Variants in AGO3 observed in about 807,000 individuals in gnomAD.
The protein encoded by AGO3 is argonaute RISC catalytic component 3.
In AGO3, 16 loss-of-function variants were observed where a neutral mutation model predicts 105.5. That is an observed-to-expected ratio of 0.15 (90% confidence interval 0.10 to 0.23). The LOEUF is 0.23. AGO3 is among the 10% of genes least tolerant of loss of function. The probability of loss-of-function intolerance (pLI) is 1.00; values close to 1 mark genes in which losing one functional copy is unlikely to be tolerated. For synonymous variants in AGO3, 340 were observed against 367.3 expected, an observed-to-expected ratio of 0.93 and a Z score of 0.85; for missense variants, 534 against 1,088.0, an observed-to-expected ratio of 0.49 and a Z score of 7.16.
chr1:36,014,005 G>T lies in AGO3; in HGVS notation c.1363G>T (p.Ala455Ser). Residue 455 changes from alanine (A) to serine (S), a missense_variant, in exon 11 of 19, where the codon GCT (alanine) becomes TCT (serine). Transcript: ENST00000373191. ...TGVEIKMWAI[A>S]CFATQRQCRE... The stretch of plus-strand genomic sequence containing the variant: ...AGTTGAAATCAAAATGTGGGCTATC[G>T]CTTGTTTTGCCACACAGAGGCAGTG... 6.2e-7 allele frequency: 1 copy of T among 1,614,080 alleles called. No individual in the cohort carries two copies.
chr1:35,960,767 T>A lies in AGO3; in HGVS notation c.192-6188T>A, dbSNP rs561821504. Among the ~76,000 whole-genome samples, 38 of 152,230 alleles carry A rather than the reference T, an allele frequency of 2.5e-4. 1 individual carries two copies. Among genetic ancestry groups the A allele is most frequent in the African/African-American group, 8.7e-4 (36 of 41,554 alleles). On this transcript the variant is annotated intron_variant, in intron 2 of 18. Transcript: ENST00000373191. ...AGCATAGGTTTTGTCAGTTATGAAC[T>A]TAAAAAACTGTCAAGTGGAAAAATT...
intron 2 of AGO3, among the ~76,000 whole-genome samples, chr1:35,955,096 A>T (rs1406911747): frequency 6.6e-6 from 1 of 152,220 alleles, no homozygotes; most frequent in Non-Finnish European, 1.5e-5. Context: ...GGAGTAGGTT[A>T]TGAAGAATCT....
rs1643130174 is a variant in AGO3, at chr1:36,069,101, T to G, written c.*13356T>G. The G allele has an allele frequency of 6.6e-6, 1 of 152,252 alleles. No homozygotes were observed. Among genetic ancestry groups the G allele is most frequent in the Admixed American group, 6.6e-5 (1 of 15,264 alleles). 9.4% of individuals were successfully genotyped at this position (152,252 alleles called of 1,614,324 possible). A position where few individuals can be genotyped will look rare whatever the true frequency, so the allele number is the denominator to read the frequency against. ...ACCTGTCCTCACCTACCTCACTAAA[T>G]TGTTGGAGTTCTTTTGTTCTGAGTC... On this transcript the variant is annotated 3_prime_UTR_variant, in exon 19 of 19. Coordinates refer to ENST00000373191, the MANE Select transcript of AGO3 (RefSeq NM_024852.4).
intron 8 of AGO3, 73 bp from the exon 9 acceptor site, chr1:36,009,402 T>A: frequency 8.2e-6 from 12 of 1,469,056 alleles, no homozygotes; most frequent in Non-Finnish European, 1.0e-5. Context: ...TTTATTTACA[T>A]GTAATTGGCA....
chr1:36,027,007 A>G lies in AGO3; in HGVS notation c.1407-107A>G. On this transcript the variant is annotated intron_variant, in intron 11 of 18. Transcript: ENST00000373191. This position sits in a 1 kb window ranked among gnomAD's most constrained non-coding sequence, Gnocchi z 4.0. Reference sequence around the variant, plus strand: ...TGGTGACCTCTCATATATGAAGCACACAAATCTTTGCTTCATCCTTCCATT... The same window carrying G: ...TGGTGACCTCTCATATATGAAGCACGCAAATCTTTGCTTCATCCTTCCATT... 1 of 1,313,964 alleles carries G rather than the reference A, an allele frequency of 7.6e-7. No homozygotes were observed. The highest frequency in any genetic ancestry group is 2.3e-5 in the East Asian group (1 of 43,156). The allele number at this position is 1,313,964 out of a possible 1,614,324, so 81.4% of individuals were successfully genotyped here.
At position 36,066,973 on chromosome 1, in the gene AGO3, G is replaced by T. The variant is rs1643104100; in HGVS notation, c.*11228G>T. ...TAATCTAAATTTATATGATAATGTT[G>T]TCCCAGACCCAAAGGCACACCTATT... is the stretch of plus-strand genomic sequence containing the variant. On this transcript the variant is annotated 3_prime_UTR_variant, in exon 19 of 19. Coordinates refer to ENST00000373191, the MANE Select transcript of AGO3 (RefSeq NM_024852.4). The T allele has an allele frequency of 6.6e-6, 1 of 152,140 alleles. No homozygotes were observed. Among genetic ancestry groups the T allele is most frequent in the Admixed American group, 6.5e-5 (1 of 15,270 alleles). The allele number at this position is 152,140 out of a possible 1,614,324, so 9.4% of individuals were successfully genotyped here.
At chr1:36,036,104 T>C in intron 13 of AGO3, 73 bp from the exon 14 acceptor site, 1 of 1,407,372 alleles carries the variant, frequency 7.1e-7, no homozygotes, top group Non-Finnish European at 1.0e-6. Context: ...GAAGTTACGT[T>C]GCAATTGTGT....
At position 36,069,146 on chromosome 1, in the gene AGO3, C is replaced by G. The variant is rs1021316393; in HGVS notation, c.*13401C>G. ...TGAGTCAGGGTCTCACTCTGTTGCC[C>G]AGGCTGAACTACAGTAGTGTGATCA... On this transcript the variant is annotated 3_prime_UTR_variant, in exon 19 of 19. Transcript: ENST00000373191. 6.6e-6 allele frequency: 1 copy of G among 152,258 alleles called. No individual in the cohort carries two copies. Among genetic ancestry groups the G allele is most frequent in the African/African-American group, 2.4e-5 (1 of 41,438 alleles). 9.4% of individuals were successfully genotyped at this position (152,258 alleles called of 1,614,324 possible).
intron 5 of AGO3, among the ~76,000 whole-genome samples, chr1:35,988,929 T>C (rs1023767663): frequency 6.6e-6 from 1 of 152,218 alleles, no homozygotes; most frequent in African/African-American, 2.4e-5. Context: ...TGAGAAATAT[T>C]GCACTGACCA....
chr1:35,986,689 GAAAAGAA>G (rs1026004362), intron 5 of AGO3, among the ~76,000 whole-genome samples: 2 of 148,350 alleles, frequency 1.3e-5, no homozygotes, highest in Non-Finnish European at 3.0e-5. Context: ...CTCTGCCTCA[GAAAAGAA>G]AAAAGAAAAA....
chr1:35,953,326 A>C (rs1486531620), intron 2 of AGO3, among the ~76,000 whole-genome samples: 1 of 152,106 alleles, frequency 6.6e-6, no homozygotes, highest in Non-Finnish European at 1.5e-5. Flanking sequence ...CTAGCAGTGT[A>C]TGAAGATGTT....
intron 4 of AGO3, among the ~76,000 whole-genome samples, chr1:35,972,663 C>T (rs977512885): frequency 1.3e-5 from 2 of 151,466 alleles, no homozygotes; most frequent in African/African-American, 2.4e-5. Flanking sequence ...CATGTGTACC[C>T]GTGTATTTTT....
At chr1:35,986,348 C>T (rs923993348) in intron 5 of AGO3, among the ~76,000 whole-genome samples, 2 of 152,152 alleles carry the variant, frequency 1.3e-5, no homozygotes, top group Non-Finnish European at 2.9e-5. Flanking sequence ...TACTACATAA[C>T]AGTTAAATAA....
At chr1:35,937,267 G>C (rs1371822910) in intron 1 of AGO3, among the ~76,000 whole-genome samples, 1 of 152,052 alleles carries the variant, frequency 6.6e-6, no homozygotes, top group Non-Finnish European at 1.5e-5. Flanking sequence ...GCCGGGCATA[G>C]TGGCGGGTGC....
At chr1:35,956,350 G>A (rs572715219) in intron 2 of AGO3, among the ~76,000 whole-genome samples, 1 of 152,104 alleles carries the variant, frequency 6.6e-6, no homozygotes, top group Non-Finnish European at 1.5e-5. Flanking sequence ...AGGTTGAATT[G>A]CATAAGAAAC....
chr1:36,043,999 A>G (rs539333150), intron 17 of AGO3, among the ~76,000 whole-genome samples: 1 of 152,252 alleles, frequency 6.6e-6, no homozygotes, highest in East Asian at 1.9e-4. Flanking sequence ...GCTAATGACG[A>G]TAACATTTTA....
At chr1:35,967,119 G>A in intron 3 of AGO3, 44 bp downstream of exon 3, 1 of 1,581,304 alleles carries the variant, frequency 6.3e-7, no homozygotes, top group East Asian at 2.2e-5. Context: ...TTTTTGAAGT[G>A]TCTCCTTTTA....
At position 36,068,124 on chromosome 1, in the gene AGO3, AACAC is replaced by A. The variant is rs766522715; in HGVS notation, c.*12386_*12389del. The A allele has an allele frequency of 2.0e-5, 3 of 152,090 alleles. No homozygotes were observed. The highest frequency in any genetic ancestry group is 6.6e-5 in the Admixed American group (1 of 15,258). 9.4% of individuals were successfully genotyped at this position (152,090 alleles called of 1,614,324 possible). A position where few individuals can be genotyped will look rare whatever the true frequency, so the allele number is the denominator to read the frequency against. Reference sequence around the variant, plus strand: ...TCCCCATCACACACACTCACACACAAACACACACACTGTTAAAAATAAAAGAGGG... The same window carrying A: ...TCCCCATCACACACACTCACACACAAACACACTGTTAAAAATAAAAGAGGG... On this transcript the variant is annotated 3_prime_UTR_variant, in exon 19 of 19. Coordinates refer to ENST00000373191, the MANE Select transcript of AGO3 (RefSeq NM_024852.4).
chr1:35,981,325 T>C (rs1170501889), intron 5 of AGO3, among the ~76,000 whole-genome samples: 2 of 152,178 alleles, frequency 1.3e-5, no homozygotes, highest in African/African-American at 4.8e-5. Flanking sequence ...TTAAGGGTGT[T>C]AGGAACATTA....
Sources: gnomAD v4.1 joint callset for allele counts (sites outside exome capture counted in the v4.1 genomes callset) on GRCh38, gnomAD v4.1.1 for gene constraint, Gnocchi (gnomAD v3.1) non-coding constraint, MANE v1.5 for transcripts, NCBI Gene and HGNC (gene_info 2026-07-23, HGNC 2026-07-21) for gene names.